The following MBD5 variants were observed in gnomAD, a reference collection of about 807,000 sequenced individuals.
MBD5 encodes methyl-CpG-binding domain protein 5.
A neutral mutation model predicts 117.3 loss-of-function variants in MBD5; 13 were observed. The ratio of observed to expected loss-of-function variants is 0.11; its 90% CI spans 0.07 to 0.18. The LOEUF is 0.18. Among genes scored for constraint, MBD5 ranks in the 10% least tolerant of loss-of-function variants. The pLI, the probability that MBD5 is intolerant of heterozygous loss-of-function variation, is 1.00. For missense variants in MBD5, 1,879 were observed against 2,093.8 expected, an observed-to-expected ratio of 0.90 and a Z score of 2.00; for synonymous variants, 727 against 766.4, an observed-to-expected ratio of 0.95 and a Z score of 0.85.
In MBD5 at chr2:148,512,934, C is replaced by A; in HGVS notation, c.5177C>A (p.Ser1726Tyr). 1.2e-6 allele frequency: 2 copies of A among 1,613,416 alleles called. No individual in the cohort carries two copies. Among genetic ancestry groups the A allele is most frequent in the Non-Finnish European group, 1.7e-6 (2 of 1,179,458 alleles). ...CCCAAACCCAAGAGGAGGAAGATCT[C>A]CAGATAACAGAGACTACTCCACTAA... ...RPPKPKRRKI[S>Y]R The change falls in exon 14 of 14, where the codon TCC (serine) becomes TAC (tyrosine). Residue 1726 changes from serine to tyrosine, a missense_variant. Physicochemically the swap from Ser to Tyr is moderately radical, Grantham distance 144. This residue lies in a region of MBD5 where 135 missense variants were observed against 148.0 expected (regional missense o/e 0.91). Coordinates refer to ENST00000642680, the MANE Select transcript of MBD5 (RefSeq NM_001378120.1).
intron 2 of MBD5, among the ~76,000 whole-genome samples, chr2:148,201,328 G>T (rs948083613): frequency 1.3e-5 from 2 of 152,136 alleles, no homozygotes; most frequent in Non-Finnish European, 2.9e-5. Flanking sequence ...TCCCACAGTG[G>T]GCTCTGGTCT....
At chr2:148,451,177 T>C (rs563648549) in intron 4 of MBD5, among the ~76,000 whole-genome samples, 1 of 152,146 alleles carries the variant, frequency 6.6e-6, no homozygotes, top group South Asian at 2.1e-4. Flanking sequence ...CAAAAGTAAA[T>C]GTGCTAGGGG....
chr2:148,248,874 G>A (rs1014400990), intron 3 of MBD5, among the ~76,000 whole-genome samples: 1 of 151,812 alleles, frequency 6.6e-6, no homozygotes, highest in African/African-American at 2.4e-5. Flanking sequence ...ATAAAATTAG[G>A]TATATAAAAA....
chr2:148,503,457 T>C (rs184394622), intron 12 of MBD5, among the ~76,000 whole-genome samples: 61 of 152,338 alleles, frequency 4.0e-4, no homozygotes, highest in Non-Finnish European at 6.8e-4. Flanking sequence ...ATAGAAGGCT[T>C]ATATAATGAT....
At chr2:148,308,201 CT>C (rs1460192162) in intron 3 of MBD5, among the ~76,000 whole-genome samples, 2 of 152,096 alleles carry the variant, frequency 1.3e-5, no homozygotes, top group Admixed American at 6.6e-5. Flanking sequence ...GTTCTAGATC[CT>C]TGAGGAATCA....
intron 3 of MBD5, among the ~76,000 whole-genome samples, chr2:148,322,017 C>G (rs1702295218): frequency 6.6e-6 from 1 of 152,198 alleles, no homozygotes; most frequent in South Asian, 2.1e-4. Flanking sequence ...ATCTAACAAT[C>G]TGCTTTATTG....
intron 1 of MBD5, among the ~76,000 whole-genome samples, chr2:148,140,610 A>G (rs1405241989): frequency 6.6e-6 from 1 of 152,216 alleles, no homozygotes; most frequent in East Asian, 1.9e-4. Context: ...AATAAGAGCT[A>G]TCTAAAACTT....
intron 3 of MBD5, among the ~76,000 whole-genome samples, chr2:148,324,041 A>G (rs776713336): frequency 6.6e-6 from 1 of 152,204 alleles, no homozygotes; most frequent in Non-Finnish European, 1.5e-5. Flanking sequence ...GAAGGGATCC[A>G]GTTACAGCTT....
chr2:148,073,608 A>G (rs1695417757), intron 1 of MBD5, among the ~76,000 whole-genome samples: 1 of 152,202 alleles, frequency 6.6e-6, no homozygotes, highest in Non-Finnish European at 1.5e-5. Flanking sequence ...AGTAAAAGTT[A>G]TTAATATTTA....
chr2:148,256,034 C>T (rs1175024658), intron 3 of MBD5, among the ~76,000 whole-genome samples: 4 of 152,250 alleles, frequency 2.6e-5, no homozygotes, highest in Admixed American at 6.5e-5. Context: ...GTGGCCGTGT[C>T]CACATCTGTT....
chr2:148,502,228 C>T (rs1681893405), intron 11 of MBD5, among the ~76,000 whole-genome samples: 1 of 152,198 alleles, frequency 6.6e-6, no homozygotes, highest in Non-Finnish European at 1.5e-5. Context: ...TAAAGCCAAA[C>T]AGCTTTTCAC....
intron 1 of MBD5, among the ~76,000 whole-genome samples, chr2:148,058,214 T>C (rs1199642363): frequency 6.6e-6 from 1 of 152,078 alleles, no homozygotes; most frequent in Non-Finnish European, 1.5e-5. Flanking sequence ...ATTTAAACTT[T>C]TGATGAATAC....
chr2:148,226,564 AAT>A (rs1699826639), intron 2 of MBD5, among the ~76,000 whole-genome samples: 1 of 152,200 alleles, frequency 6.6e-6, no homozygotes, highest in Non-Finnish European at 1.5e-5. Flanking sequence ...ATAGTGCCGC[AAT>A]AAACATACGT....
rs1681443066 is a variant in MBD5 at position 148,489,400 on chromosome 2, A to G, written c.3768A>G (p.Glu1256=). The G allele has an allele frequency of 2.5e-6, 4 of 1,614,178 alleles. No individual in the cohort carries two copies. In the African/African-American group the frequency reaches 4.0e-5, roughly 16 times the overall value. The part of the protein sequence containing the change: ...LFQNFQVRMQ[E]DAALLNKRIS... ...ATTTCTTCAAGGTGAGAATGCAGGA[A>G]GATGCAGCTCTCCTAAACAAAAGAA... The change falls in exon 11 of 14, where the codon GAA becomes GAG. Residue 1256 remains glutamate, a synonymous_variant. Coordinates refer to ENST00000642680, the MANE Select transcript of MBD5 (RefSeq NM_001378120.1).
At chr2:148,418,810 A>G (rs1046034405) in intron 4 of MBD5, among the ~76,000 whole-genome samples, 1 of 152,280 alleles carries the variant, frequency 6.6e-6, no homozygotes, top group East Asian at 1.9e-4. Context: ...CAAACAATCT[A>G]CAGATTCAAT....
At chr2:148,454,529 C>G (rs879734130) in intron 4 of MBD5, among the ~76,000 whole-genome samples, 9 of 151,868 alleles carry the variant, frequency 5.9e-5, no homozygotes, top group Non-Finnish European at 1.0e-4. Context: ...ATACATATAA[C>G]AGTAAAATAT....
chr2:148,492,920 T>G (rs752896223), intron 11 of MBD5, among the ~76,000 whole-genome samples: 61 of 152,070 alleles, frequency 4.0e-4, no homozygotes, highest in Non-Finnish European at 6.2e-4. Flanking sequence ...TTGTTACTCA[T>G]TCAGGTGAAC....
intron 11 of MBD5, among the ~76,000 whole-genome samples, chr2:148,497,588 C>A (rs1487411125): frequency 6.6e-6 from 1 of 151,830 alleles, no homozygotes; most frequent in African/African-American, 2.4e-5. Context: ...ACTTGGGAGG[C>A]TAAGGTAGGA....
chr2:148,149,585 A>T (rs1327946018), intron 1 of MBD5, among the ~76,000 whole-genome samples: 2 of 151,732 alleles, frequency 1.3e-5, no homozygotes, highest in Non-Finnish European at 3.0e-5. Flanking sequence ...ATTTCTCCAC[A>T]TCCTCACCAG....
Sources: gnomAD v4.1 joint callset for allele counts (sites outside exome capture counted in the v4.1 genomes callset) on GRCh38, gnomAD v4.1.1 for gene constraint, gnomAD v4.1.1 regional missense constraint, MANE v1.5 for transcripts, NCBI Gene and HGNC (gene_info 2026-07-23, HGNC 2026-07-21) for gene names.